Variants in HIVEP1 observed in about 807,000 individuals in gnomAD.
HIVEP1 encodes zinc finger protein 40.
In HIVEP1, 36 loss-of-function variants were observed where a neutral mutation model predicts 180.0. The ratio of observed to expected loss-of-function variants is 0.20; its 90% CI spans 0.15 to 0.26. The LOEUF is 0.26. Ranked by LOEUF, HIVEP1 falls within the 10% of genes least tolerant of loss-of-function variation. HIVEP1 has a pLI of 1.00. For synonymous variants in HIVEP1, 1,239 were observed against 1,239.0 expected (o/e 1.00, Z 0.00); for missense variants, 3,143 against 3,268.7 (o/e 0.96, Z 0.94).
intron 2 of HIVEP1, among the ~76,000 whole-genome samples, chr6:12,085,526 A>G (rs767960500): frequency 1.3e-5 from 2 of 152,196 alleles, no homozygotes; most frequent in Non-Finnish European, 2.9e-5. Flanking sequence ...ACACTAAAGT[A>G]GGAGCCCCTC....
chr6:12,124,551 A>G lies in HIVEP1; in HGVS notation c.4756A>G (p.Ile1586Val). The change falls in exon 4 of 9, where the codon ATT becomes GTT. Residue 1586 changes from isoleucine (I) to valine (V), a missense_variant. Physicochemically the swap from Ile to Val is conservative, Grantham distance 29 (BLOSUM62 3). Transcript: ENST00000379388. Reference sequence around the variant, plus strand: ...TGTGCATTCTTTGCCAAATCAAGTTATTTCAGATCCAGTTGGAACAGATCA... The same window carrying G: ...TGTGCATTCTTTGCCAAATCAAGTTGTTTCAGATCCAGTTGGAACAGATCA... The part of the protein sequence containing the change: ...NPVHSLPNQV[I>V]SDPVGTDHCV... 6 of 1,614,072 alleles carry G rather than the reference A, an allele frequency of 3.7e-6. No individual in the cohort carries two copies. Among genetic ancestry groups the G allele is most frequent in the Non-Finnish European group, 4.2e-6 (5 of 1,179,978 alleles).
chr6:12,176,727 A>G, the HIVEP1 span, among the ~76,000 whole-genome samples: 15 of 152,202 alleles, frequency 9.9e-5, no homozygotes, highest in East Asian at 2.7e-3. Context: ...CAGATGCTGG[A>G]TATTAGACCT....
At chr6:12,107,759 A>C (rs1480362112) in intron 3 of HIVEP1, among the ~76,000 whole-genome samples, 1 of 152,186 alleles carries the variant, frequency 6.6e-6, no homozygotes, top group Non-Finnish European at 1.5e-5. Flanking sequence ...ACAGCGTAGA[A>C]GGGGACCCGA....
intron 3 of HIVEP1, among the ~76,000 whole-genome samples, chr6:12,113,889 A>G (rs1041403903): frequency 3.9e-5 from 6 of 152,316 alleles, no homozygotes; most frequent in Non-Finnish European, 7.4e-5. Context: ...TTGTTCCCAC[A>G]TCTATGTGGT....
chr6:12,074,028 A>G (rs1047143666), intron 2 of HIVEP1, among the ~76,000 whole-genome samples: 2 of 152,356 alleles, frequency 1.3e-5, no homozygotes, highest in African/African-American at 4.8e-5. Flanking sequence ...AGAGCTGTAC[A>G]TCACTGTTCT....
chr6:12,009,383 A>G (rs1332998885), upstream of HIVEP1, among the ~76,000 whole-genome samples: 1 of 152,072 alleles, frequency 6.6e-6, no homozygotes, highest in Non-Finnish European at 1.5e-5. Flanking sequence ...CCTCCCTCGA[A>G]CCCCACTTTC....
intron 6 of HIVEP1, among the ~76,000 whole-genome samples, chr6:12,133,121 G>C (rs1758516086): frequency 6.6e-6 from 1 of 152,160 alleles, no homozygotes; most frequent in Admixed American, 6.5e-5. Flanking sequence ...TCAGAAAAAT[G>C]ATCTGTAGAG....
At chr6:12,201,984 TGG>T in the HIVEP1 span, among the ~76,000 whole-genome samples, 1 of 152,170 alleles carries the variant, frequency 6.6e-6, no homozygotes, top group Non-Finnish European at 1.5e-5. Context: ...ATTACAAGAA[TGG>T]TTCCCTCTAC....
intron 2 of HIVEP1, among the ~76,000 whole-genome samples, chr6:12,056,429 A>G (rs1770874954): frequency 6.6e-6 from 1 of 152,166 alleles, no homozygotes; most frequent in South Asian, 2.1e-4. Context: ...ATCTCTGTAT[A>G]TGTACTTTTT....
At chr6:12,087,203 G>A (rs750643467) in intron 2 of HIVEP1, among the ~76,000 whole-genome samples, 5 of 152,094 alleles carry the variant, frequency 3.3e-5, no homozygotes, top group Non-Finnish European at 7.4e-5. Flanking sequence ...GCAGAGACTA[G>A]TATTTTGTAA....
At position 12,159,209 on chromosome 6, in the gene HIVEP1, C is replaced by T. The variant is rs141872903; in HGVS notation, c.6488-2230C>T. Among the ~76,000 whole-genome samples, 874 of 150,934 alleles carry T rather than the reference C, an allele frequency of 5.8e-3. 3 individuals carry two copies. The highest frequency in any genetic ancestry group is 0.019 in the African/African-American group (783 of 41,120). On this transcript the variant is annotated intron_variant, in intron 7 of 8. Coordinates refer to ENST00000379388, the MANE Select transcript of HIVEP1 (RefSeq NM_002114.4). ...GGCTGTACGTGTGTGTGTGTGTGTGCGCGCGCGCGTGCACGTGCACGCTTG... is the reference window on the plus strand; with the variant it reads ...GGCTGTACGTGTGTGTGTGTGTGTGTGCGCGCGCGTGCACGTGCACGCTTG...
the HIVEP1 span, among the ~76,000 whole-genome samples, chr6:12,175,798 T>C: frequency 4.2e-4 from 64 of 152,296 alleles, no homozygotes; most frequent in African/African-American, 1.5e-3. Context: ...GGCTGTCAGC[T>C]GGCGGAACAG....
chr6:12,173,180 A>G, the HIVEP1 span, among the ~76,000 whole-genome samples: 1 of 152,140 alleles, frequency 6.6e-6, no homozygotes, highest in Non-Finnish European at 1.5e-5. Context: ...GTCTTATGAG[A>G]AAAGATTGGA....
chr6:12,183,999 A>AGAT, the HIVEP1 span, among the ~76,000 whole-genome samples: 22 of 141,638 alleles, frequency 1.6e-4, no homozygotes, highest in Non-Finnish European at 1.2e-4. Context: ...ATAGATAGAT[A>AGAT]GATAGATAGA....
intron 2 of HIVEP1, among the ~76,000 whole-genome samples, chr6:12,026,040 C>CA (rs113797667): frequency 0.21 from 27,726 of 130,144 alleles, 3,100 homozygotes; most frequent in African/African-American, 0.36. Context: ...AACCCCATAT[C>CA]AAAAAAAAAA....
chr6:12,017,365 C>A (rs116263307), intron 2 of HIVEP1, among the ~76,000 whole-genome samples: 1 of 152,142 alleles, frequency 6.6e-6, no homozygotes. Flanking sequence ...GAGTTTCTTT[C>A]TTCTGGTAGG....
chr6:12,078,650 C>CATATAT (rs1163695599), intron 2 of HIVEP1, among the ~76,000 whole-genome samples: 3 of 132,358 alleles, frequency 2.3e-5, no homozygotes, highest in Admixed American at 1.6e-4. Context: ...CACACACACA[C>CATATAT]ATACATATAT....
the HIVEP1 span, among the ~76,000 whole-genome samples, chr6:12,178,108 C>T: frequency 4.6e-5 from 7 of 152,090 alleles, no homozygotes; most frequent in Admixed American, 6.6e-5. Flanking sequence ...CATGAAGGCT[C>T]GTAAAGTCAA....
At chr6:12,170,086 A>G in the HIVEP1 span, among the ~76,000 whole-genome samples, 1 of 151,938 alleles carries the variant, frequency 6.6e-6, no homozygotes, top group Non-Finnish European at 1.5e-5. Flanking sequence ...ATGCCGCTGC[A>G]CTCCAGCCTG....
Sources: gnomAD v4.1 joint callset for allele counts (sites outside exome capture counted in the v4.1 genomes callset) on GRCh38, gnomAD v4.1.1 for gene constraint, MANE v1.5 for transcripts, NCBI Gene and HGNC (gene_info 2026-07-23, HGNC 2026-07-21) for gene names.